The following NT5E variants were observed in gnomAD, a reference collection of about 807,000 sequenced individuals.
NT5E encodes 5'-nucleotidase.
NT5E carries 53 observed loss-of-function variants against 55.1 expected under a neutral mutation model. That is an observed-to-expected ratio of 0.96 (90% CI 0.77 to 1.21). The LOEUF is 1.21. Among genes scored for constraint, NT5E ranks in the 50% most tolerant of loss-of-function variants. The probability of loss-of-function intolerance (pLI) is 0.00; values close to 1 mark genes in which losing one functional copy is unlikely to be tolerated. For synonymous variants in NT5E, 270 were observed against 278.4 expected (o/e 0.97, Z 0.30); for missense variants, 683 against 724.3 (o/e 0.94, Z 0.65).
intron 1 of NT5E, among the ~76,000 whole-genome samples, chr6:85,459,609 A>AAT (rs1769052705): frequency 6.6e-6 from 1 of 152,114 alleles, no homozygotes; most frequent in African/African-American, 2.4e-5. Flanking sequence ...TATTTTTGAA[A>AAT]CCCAAATACC....
chr6:85,453,721 A>T (rs974923830), intron 1 of NT5E, among the ~76,000 whole-genome samples: 10 of 152,164 alleles, frequency 6.6e-5, no homozygotes, highest in African/African-American at 2.4e-4. Flanking sequence ...ATAAGGCTGC[A>T]GCCTTAGCCC....
intron 3 of NT5E, among the ~76,000 whole-genome samples, chr6:85,475,642 T>C (rs1769418668): frequency 6.6e-6 from 1 of 152,228 alleles, no homozygotes; most frequent in Admixed American, 6.5e-5. Flanking sequence ...GGTTGAAACC[T>C]GCAGCAGGTA....
rs111817758 is a variant in NT5E at position 85,459,974 on chromosome 6, G to T, written c.340-7086G>T. 2.1e-3 allele frequency among the ~76,000 whole-genome samples: 313 copies of T among 152,204 alleles called. 1 individual carries two copies. Among genetic ancestry groups the T allele is most frequent in the Non-Finnish European group, 3.6e-3 (243 of 67,998 alleles). On this transcript the variant is annotated intron_variant, in intron 1 of 8. Coordinates refer to ENST00000257770, the MANE Select transcript of NT5E (RefSeq NM_002526.4). ...GAGAGAAAGCTTGTGTATAAAGTTT[G>T]GCTTGTAATTCACATGAATTCTCTA...
chr6:85,491,395 GT>G (rs1233882335), intron 7 of NT5E: 1 of 322,914 alleles, frequency 3.1e-6, no homozygotes, highest in Non-Finnish European at 6.0e-6. Context: ...GCTTTCCTGA[GT>G]TTTCCTCTGC....
chr6:85,477,178 C>T (rs1247379457), intron 3 of NT5E, among the ~76,000 whole-genome samples: 1 of 152,162 alleles, frequency 6.6e-6, no homozygotes. Flanking sequence ...CCCTCCCAGT[C>T]CAGCAGGCTT....
At position 85,487,482 on chromosome 6, in the gene NT5E, A is replaced by C. The variant is rs772495043; in HGVS notation, c.1097A>C (p.Asp366Ala). The C allele has an allele frequency of 2.0e-5, 32 of 1,614,096 alleles. No homozygotes were observed. The highest frequency in any genetic ancestry group is 2.5e-5 in the Non-Finnish European group (29 of 1,180,038). ...RECNMGNLIC[D>A]AMINNNLRHT... is the part of the protein sequence containing the mutation. ...TGCAACATGGGCAACCTGATTTGTG[A>C]TGCAATGGTAAGTCATCAGCAGGAG... Residue 366 changes from aspartate to alanine, a missense_variant, in exon 5 of 9, where the codon GAT (aspartate) becomes GCT (alanine). Physicochemically the swap from Asp to Ala is moderately radical, Grantham distance 126. Coordinates refer to ENST00000257770, the MANE Select transcript of NT5E (RefSeq NM_002526.4).
intron 1 of NT5E, among the ~76,000 whole-genome samples, chr6:85,455,913 A>G (rs9444346): frequency 0.28 from 41,830 of 151,880 alleles, 7,214 homozygotes; most frequent in African/African-American, 0.49. Context: ...GTTTGTGTGT[A>G]TGTGTGTGTT....
rs544901091 is a variant in NT5E, at chr6:85,475,173, C to T, written c.751+3748C>T. Among the ~76,000 whole-genome samples, 182 of 152,304 alleles carry T rather than the reference C, an allele frequency of 1.2e-3. 1 individual carries two copies. The highest frequency in any genetic ancestry group is 4.1e-3 in the African/African-American group (169 of 41,568). ...TCTTACTGAGAACCATTTCTGCACGCACAGTATCCAATATACAAACACACA... is the reference window on the plus strand; with the variant it reads ...TCTTACTGAGAACCATTTCTGCACGTACAGTATCCAATATACAAACACACA... On this transcript the variant is annotated intron_variant, in intron 3 of 8. Transcript: ENST00000257770.
At chr6:85,455,563 T>C (rs1331824937) in intron 1 of NT5E, among the ~76,000 whole-genome samples, 1 of 152,212 alleles carries the variant, frequency 6.6e-6, no homozygotes, top group Non-Finnish European at 1.5e-5. Context: ...TTCATCTATA[T>C]CCTTTGTATA....
rs774168358 is a variant in NT5E, at chr6:85,467,098, A to G, written c.378A>G (p.Gly126=). 1 of 1,614,122 alleles carries G rather than the reference A, an allele frequency of 6.2e-7. No individual in the cohort carries two copies. Among genetic ancestry groups the G allele is most frequent in the Admixed American group, 1.7e-5 (1 of 60,024 alleles). ...GNHEFDNGVE[G]LIEPLLKEAK... ...ATGAATTTGATAATGGTGTGGAAGG[A>G]CTGATCGAGCCACTCCTCAAAGAGG... The change falls in exon 2 of 9, where the codon GGA becomes GGG. Residue 126 remains glycine (G), a synonymous_variant. Transcript: ENST00000257770.
At chr6:85,451,339 G>C (rs559026046) in intron 1 of NT5E, among the ~76,000 whole-genome samples, 12 of 152,180 alleles carry the variant, frequency 7.9e-5, no homozygotes, top group Non-Finnish European at 1.3e-4. Flanking sequence ...TTTAGGAAGA[G>C]TCCAACTTAA....
chr6:85,489,906 T>C (rs1210695031), intron 6 of NT5E, among the ~76,000 whole-genome samples: 3 of 152,190 alleles, frequency 2.0e-5, no homozygotes, highest in Non-Finnish European at 4.4e-5. Flanking sequence ...GTTTCTGATT[T>C]ATGCAAAATA....
intron 1 of NT5E, among the ~76,000 whole-genome samples, chr6:85,463,124 G>A (rs564825577): frequency 6.6e-6 from 1 of 152,254 alleles, no homozygotes; most frequent in South Asian, 2.1e-4. Context: ...AGAAAGTGGT[G>A]GGGGTGAGGA....
At chr6:85,490,929 C>T in intron 7 of NT5E, 1 of 555,878 alleles carries the variant, frequency 1.8e-6, no homozygotes, top group South Asian at 1.8e-5. Flanking sequence ...AGCAGGTCAC[C>T]TGCTTTGAGG....
At chr6:85,481,295 C>A (rs776082325) in intron 3 of NT5E, among the ~76,000 whole-genome samples, 17 of 152,002 alleles carry the variant, frequency 1.1e-4, no homozygotes, top group Admixed American at 9.2e-4. Flanking sequence ...AATTACAAAG[C>A]ATGGTATGAA....
At chr6:85,487,765 T>C (rs573953787) in intron 5 of NT5E, among the ~76,000 whole-genome samples, 1 of 152,222 alleles carries the variant, frequency 6.6e-6, no homozygotes, top group African/African-American at 2.4e-5. Flanking sequence ...ATTAAATAAA[T>C]ATGAAAAATA....
intron 1 of NT5E, among the ~76,000 whole-genome samples, chr6:85,461,181 C>G (rs1769091906): frequency 6.6e-6 from 1 of 152,134 alleles, no homozygotes; most frequent in Non-Finnish European, 1.5e-5. Flanking sequence ...GAGAAAGAGA[C>G]AGAGTTAAAT....
rs182865501 is a variant in NT5E at position 85,473,491 on chromosome 6, T to G, written c.751+2066T>G. On this transcript the variant is annotated intron_variant, in intron 3 of 8. Coordinates refer to ENST00000257770, the MANE Select transcript of NT5E (RefSeq NM_002526.4). ...TTGGACACACAGTGGGAGCTAGATA[T>G]GTCTCCTCCCCCTTCTTCCTTTAGA... Among the ~76,000 whole-genome samples, 17 of 152,314 alleles carry G rather than the reference T, an allele frequency of 1.1e-4. No homozygotes were observed. In the East Asian group the frequency reaches 3.3e-3, roughly 29 times the overall value.
At chr6:85,484,888 T>C (rs1414489892) in intron 3 of NT5E, among the ~76,000 whole-genome samples, 1 of 152,142 alleles carries the variant, frequency 6.6e-6, no homozygotes, top group Non-Finnish European at 1.5e-5. Context: ...TATGGTAAAG[T>C]GGCTTGGCTA....
Sources: allele counts gnomAD v4.1 joint callset (sites outside exome capture counted in the v4.1 genomes callset), GRCh38; gene constraint gnomAD v4.1.1; transcripts MANE v1.5; gene names NCBI Gene and HGNC (gene_info 2026-07-23, HGNC 2026-07-21).